SRGAP1: variants seen among roughly 807,000 people sequenced by gnomAD.
SRGAP1 encodes SLIT-ROBO Rho GTPase-activating protein 1.
Under a neutral mutation model 121.9 loss-of-function variants are expected in SRGAP1, and 43 were observed. The observed-to-expected ratio is 0.35, with a 90% CI of 0.28 to 0.46. The LOEUF (loss-of-function observed/expected upper bound fraction) is 0.46, where lower values mean the gene tolerates loss of function less well. Among genes scored for constraint, SRGAP1 ranks in the 20% least tolerant of loss-of-function variants. The pLI, the probability that SRGAP1 is intolerant of heterozygous loss-of-function variation, is 1.00. For synonymous variants in SRGAP1, 447 were observed against 485.4 expected (o/e 0.92, Z 1.04); for missense variants, 1,102 against 1,350.9 (o/e 0.82, Z 2.89).
chr12:63,897,066 A>G (rs1900778811), intron 1 of SRGAP1, among the ~76,000 whole-genome samples: 1 of 152,206 alleles, frequency 6.6e-6, no homozygotes, highest in South Asian at 2.1e-4. Flanking sequence ...GCAGATCTCA[A>G]GGACCTCTTT....
chr12:63,860,856 C>T (rs7294327), intron 1 of SRGAP1, among the ~76,000 whole-genome samples: 42,574 of 150,144 alleles, frequency 0.28, 6,972 homozygotes, highest in East Asian at 0.55. Flanking sequence ...GAAAGGGTCT[C>T]GCTTTGTTGC....
intron 14 of SRGAP1, among the ~76,000 whole-genome samples, chr12:64,095,574 C>T (rs1163165016): frequency 5.3e-5 from 8 of 152,114 alleles, no homozygotes; most frequent in Admixed American, 3.9e-4. Flanking sequence ...TTGTCGGGAG[C>T]TCTTCCCTTT....
intron 1 of SRGAP1, chr12:63,887,835 A>G (rs908354135): frequency 8.5e-5 from 13 of 152,214 alleles, no homozygotes; most frequent in Non-Finnish European, 8.8e-5. Flanking sequence ...CTCATGGCTT[A>G]TCTTGTCTTT....
At chr12:64,039,628 CGTGTGTGTGTGTGTGT>C (rs6144742) in intron 4 of SRGAP1, among the ~76,000 whole-genome samples, 1,494 of 130,896 alleles carry the variant, frequency 0.011, 15 homozygotes, top group Non-Finnish European at 0.018. Flanking sequence ...AGCTGAGCAA[CGTGTGTGTGTGTGTGT>C]GTGTGTGTGT....
chr12:63,944,404 C>G (rs2031973572), intron 1 of SRGAP1, among the ~76,000 whole-genome samples: 1 of 152,190 alleles, frequency 6.6e-6, no homozygotes, highest in South Asian at 2.1e-4. Context: ...TCTTCTCAAC[C>G]TTGCATGGCA....
intron 4 of SRGAP1, among the ~76,000 whole-genome samples, chr12:64,034,626 A>C (rs962481038): frequency 1.3e-5 from 2 of 152,176 alleles, no homozygotes; most frequent in African/African-American, 4.8e-5. Flanking sequence ...CTTATATGTC[A>C]GCCTCTTCTG....
intron 6 of SRGAP1, 43 bp downstream of exon 6, chr12:64,043,618 T>C (rs764802595): frequency 3.4e-5 from 51 of 1,481,532 alleles, no homozygotes; most frequent in Admixed American, 2.2e-4. Context: ...TAAAATGAAA[T>C]TAACAATAAC....
chr12:64,129,404 T>C (rs2036748914), intron 21 of SRGAP1, among the ~76,000 whole-genome samples: 1 of 152,132 alleles, frequency 6.6e-6, no homozygotes, highest in South Asian at 2.1e-4. Context: ...TCACTGGCAG[T>C]TAATTAGATG....
intron 6 of SRGAP1, among the ~76,000 whole-genome samples, chr12:64,059,605 A>G (rs957310062): frequency 6.6e-6 from 1 of 152,170 alleles, no homozygotes; most frequent in East Asian, 1.9e-4. Flanking sequence ...GTACATCTAA[A>G]AAAAAAGGTC....
chr12:63,913,802 A>C (rs2030659579), intron 1 of SRGAP1, among the ~76,000 whole-genome samples: 1 of 152,082 alleles, frequency 6.6e-6, no homozygotes, highest in Non-Finnish European at 1.5e-5. Flanking sequence ...TTAACAAAGT[A>C]ATTTTATGAC....
intron 1 of SRGAP1, among the ~76,000 whole-genome samples, chr12:63,921,124 A>G (rs1316718241): frequency 6.6e-6 from 1 of 152,176 alleles, no homozygotes; most frequent in East Asian, 1.9e-4. Context: ...CTAGCTTGTC[A>G]CCAGTACCAC....
intron 21 of SRGAP1, among the ~76,000 whole-genome samples, chr12:64,138,770 G>C (rs2136651014): frequency 6.6e-6 from 1 of 152,248 alleles, no homozygotes; most frequent in South Asian, 2.1e-4. Context: ...ATGAGGTAGT[G>C]ATGCTTTCAC....
chr12:64,110,775 A>G (rs1297193944), intron 16 of SRGAP1, among the ~76,000 whole-genome samples: 1 of 152,174 alleles, frequency 6.6e-6, no homozygotes, highest in Non-Finnish European at 1.5e-5. Flanking sequence ...AGGGAAAGAC[A>G]TATGTTAGCT....
chr12:64,045,261 G>C (rs1026478082), intron 6 of SRGAP1, among the ~76,000 whole-genome samples: 13 of 151,870 alleles, frequency 8.6e-5, no homozygotes, highest in African/African-American at 3.1e-4. Flanking sequence ...CTAAATAAAA[G>C]ATTTTATTTT....
chr12:63,857,729 G>T (rs1476445851), intron 1 of SRGAP1, among the ~76,000 whole-genome samples: 3 of 152,014 alleles, frequency 2.0e-5, no homozygotes, highest in Non-Finnish European at 2.9e-5. Flanking sequence ...CTATTTCAAA[G>T]AATTTTTTCC....
intron 8 of SRGAP1, among the ~76,000 whole-genome samples, chr12:64,068,134 C>G (rs983072441): frequency 9.9e-5 from 15 of 151,630 alleles, no homozygotes; most frequent in Non-Finnish European, 1.9e-4. Flanking sequence ...GAAAAATTAG[C>G]TGGGCATGGC....
chr12:63,852,340 G>GT (rs1489795306), intron 1 of SRGAP1, among the ~76,000 whole-genome samples: 1 of 152,166 alleles, frequency 6.6e-6, no homozygotes, highest in African/African-American at 2.4e-5. Flanking sequence ...ATTTAGATAG[G>GT]TTTTTTGAAA....
At chr12:63,937,715 T>A (rs1592961786) in intron 1 of SRGAP1, among the ~76,000 whole-genome samples, 1 of 152,336 alleles carries the variant, frequency 6.6e-6, no homozygotes, top group East Asian at 1.9e-4. Context: ...ATGAGACATG[T>A]AGCATGTTAT....
At chr12:64,133,453 C>G (rs183687554) in intron 21 of SRGAP1, among the ~76,000 whole-genome samples, 6 of 152,332 alleles carry the variant, frequency 3.9e-5, no homozygotes, top group African/African-American at 1.4e-4. Flanking sequence ...CCACAAGCCA[C>G]TACTTTAACT....
Sources: gnomAD v4.1 joint callset for allele counts (sites outside exome capture counted in the v4.1 genomes callset) on GRCh38, gnomAD v4.1.1 for gene constraint, MANE v1.5 for transcripts, NCBI Gene and HGNC (gene_info 2026-07-23, HGNC 2026-07-21) for gene names.